ARL17A: variants seen among roughly 807,000 people sequenced by gnomAD.
ARL17A encodes the protein ARF like GTPase 17A.
At chr17:46,542,754 C>T (rs931462033) in intron 3 of ARL17A, among the ~76,000 whole-genome samples, 2 of 150,174 alleles carry the variant, frequency 1.3e-5, no homozygotes, top group African/African-American at 5.0e-5. Context: ...CCTGCGGGGC[C>T]CTATTGTGAG....
chr17:46,501,253 G>A, the ARL17A span, among the ~76,000 whole-genome samples: 1 of 151,044 alleles, frequency 6.6e-6, no homozygotes, highest in Non-Finnish European at 1.5e-5. Context: ...TTGGCTCACT[G>A]CGACCTCCGC....
rs1186223524 is a variant in ARL17A, at chr17:46,553,010, G to A, written c.*4346C>T. On this transcript the variant is annotated 3_prime_UTR_variant, in exon 4 of 4. Transcript: ENST00000336125. ...GTTGAGGCTACAGTGAGCTGTGATC[G>A]TGACACCGCACTCCATCCTGAGTAA... Among the ~76,000 whole-genome samples, 25 of 143,196 alleles carry A rather than the reference G, an allele frequency of 1.7e-4. No individual in the cohort carries two copies. Among genetic ancestry groups the A allele is most frequent in the Non-Finnish European group, 1.2e-4 (8 of 66,852 alleles). The allele number at this position is 143,196 out of a possible 152,430, so 93.9% of individuals were successfully genotyped here.
At chr17:46,534,221 A>C in intron 4 of ARL17A, among the ~76,000 whole-genome samples, 1 of 146,820 alleles carries the variant, frequency 6.8e-6, no homozygotes, top group East Asian at 2.0e-4. Context: ...TTTTTTATTG[A>C]TCATTCTTGG....
downstream of ARL17A, among the ~76,000 whole-genome samples, chr17:46,525,613 T>TC (rs1292739175): frequency 8.2e-4 from 97 of 118,962 alleles, 3 homozygotes; most frequent in African/African-American, 2.7e-3. Context: ...ATAATAATAA[T>TC]AATCATCATC....
intron 3 of ARL17A, among the ~76,000 whole-genome samples, chr17:46,543,311 C>T (rs1257384811): frequency 1.3e-5 from 2 of 150,442 alleles, no homozygotes; most frequent in Admixed American, 1.3e-4. Flanking sequence ...AAAAATTATT[C>T]TCAAGTATAC....
intron 3 of ARL17A, among the ~76,000 whole-genome samples, chr17:46,539,770 A>AAAAAAAAAG (rs2054957578): frequency 1.5e-5 from 1 of 65,190 alleles, no homozygotes; most frequent in Admixed American, 1.6e-4. Flanking sequence ...CTCCATCTCA[A>AAAAAAAAAG]AAAAAAAAAA....
chr17:46,542,532 G>GAT (rs1024761002), intron 3 of ARL17A, among the ~76,000 whole-genome samples: 45 of 146,156 alleles, frequency 3.1e-4, no homozygotes, highest in East Asian at 6.1e-4. Flanking sequence ...TATAGATATA[G>GAT]ATATATATAT....
At chr17:46,500,929 C>G in the ARL17A span, among the ~76,000 whole-genome samples, 2 of 151,120 alleles carry the variant, frequency 1.3e-5, no homozygotes, top group African/African-American at 2.5e-5. Flanking sequence ...CCTGTAATCC[C>G]AGCACTTTGG....
chr17:46,555,009 CG>C lies in ARL17A; in HGVS notation c.*2346del, dbSNP rs2057168695. On this transcript the variant is annotated 3_prime_UTR_variant, in exon 4 of 4. Transcript: ENST00000336125. The stretch of plus-strand genomic sequence containing the variant: ...ATGCATGGAATTATTTTCAAGACCC[CG>C]GGTATGTGGTCTGTGGTGGTGGTTC... 4.2e-6 allele frequency: 2 copies of C among 474,500 alleles called. No homozygotes were observed. Among genetic ancestry groups the C allele is most frequent in the African/African-American group, 1.8e-4 (2 of 10,824 alleles). The allele number at this position is 474,500 out of a possible 1,614,324, so 29.4% of individuals were successfully genotyped here.
Position 46,544,960 on chromosome 17 carries a change from G to C in ARL17A, c.260-6534C>G, listed in dbSNP as rs560377458. ...TGGCATTTTTTAAGAGTCAAAGATA[G>C]TTGTCTTGTAAATTGTCCCACAATC... On this transcript the variant is annotated intron_variant, in intron 3 of 4. Transcript: ENST00000329240. Among the ~76,000 whole-genome samples the C allele has an allele frequency of 1.1e-3, 161 of 140,454 alleles. 29 individuals are homozygous for C. The highest frequency in any genetic ancestry group is 4.0e-3 in the African/African-American group (148 of 36,828). 92.1% of individuals were successfully genotyped at this position (140,454 alleles called of 152,430 possible).
At chr17:46,543,907 A>T (rs1192372769) in intron 3 of ARL17A, among the ~76,000 whole-genome samples, 2 of 148,274 alleles carry the variant, frequency 1.3e-5, no homozygotes, top group Admixed American at 6.6e-5. Flanking sequence ...GCTTGTGCCC[A>T]GGAGTTCGAG....
chr17:46,545,324 GC>G (rs1348800439), intron 3 of ARL17A, among the ~76,000 whole-genome samples: 39 of 144,658 alleles, frequency 2.7e-4, no homozygotes, highest in Non-Finnish European at 4.8e-4. Flanking sequence ...GGTGGTGCAA[GC>G]CTATACTCCC....
chr17:46,525,611 A>C (rs58982769), downstream of ARL17A, among the ~76,000 whole-genome samples: 1,314 of 115,716 alleles, frequency 0.011, 9 homozygotes, highest in African/African-American at 0.042. Context: ...ATATAATAAT[A>C]ATAATCATCA....
At chr17:46,520,941 A>G (rs2052190090) in intron 3 of ARL17A, among the ~76,000 whole-genome samples, 1 of 81,466 alleles carries the variant, frequency 1.2e-5, no homozygotes, top group African/African-American at 3.6e-5. Context: ...GCTGAATTAT[A>G]TCAATATTAT....
intron 4 of ARL17A, among the ~76,000 whole-genome samples, chr17:46,533,665 C>T (rs954772781): frequency 1.4e-5 from 1 of 69,770 alleles, no homozygotes; most frequent in Non-Finnish European, 2.3e-5. Flanking sequence ...CCACACCCAG[C>T]TAATTTTTGT....
chr17:46,557,121 T>C lies in ARL17A; in HGVS notation c.*235A>G, dbSNP rs915944857. On this transcript the variant is annotated 3_prime_UTR_variant, in exon 4 of 4. Coordinates refer to ENST00000336125, the MANE Select transcript of ARL17A (RefSeq NM_001113738.2). ...ATAAATTAACAAAGGACAATGCTCT[T>C]AGCACCGCCATCATTCAGGAATTTC... The C allele has an allele frequency of 1.9e-6, 1 of 538,648 alleles. No homozygotes were observed. The allele number at this position is 538,648 out of a possible 1,614,324, so 33.4% of individuals were successfully genotyped here.
At chr17:46,542,378 ATTTTTTT>A (rs1337858711) in intron 3 of ARL17A, among the ~76,000 whole-genome samples, 1 of 148,172 alleles carries the variant, frequency 6.7e-6, no homozygotes, top group Non-Finnish European at 1.5e-5. Context: ...TTTATTTTTT[ATTTTTTT>A]GTAGAAATGA....
chr17:46,533,498 T>C (rs1197361065), intron 4 of ARL17A, among the ~76,000 whole-genome samples: 1 of 146,956 alleles, frequency 6.8e-6, no homozygotes, highest in Non-Finnish European at 1.5e-5. Context: ...ATCTTTTTCT[T>C]TTTTTTTTTT....
chr17:46,568,993 G>T, intron 3 of ARL17A, among the ~76,000 whole-genome samples: 1 of 130,198 alleles, frequency 7.7e-6, no homozygotes, highest in Non-Finnish European at 1.6e-5. Context: ...CCCAGGCTGG[G>T]GTGCAATGGC....
Sources: allele counts gnomAD v4.1 joint callset (sites outside exome capture counted in the v4.1 genomes callset), GRCh38; gene constraint gnomAD v4.1.1; transcripts MANE v1.5; gene names NCBI Gene and HGNC (gene_info 2026-07-23, HGNC 2026-07-21).